Variants in NELL2 observed in about 807,000 individuals in gnomAD.
The protein encoded by NELL2 is neural EGFL like 2, also known as protein kinase C-binding protein NELL2.
A neutral mutation model predicts 109.6 loss-of-function variants in NELL2; 41 were observed. The ratio of observed to expected loss-of-function variants is 0.37; its 90% CI spans 0.29 to 0.49. The LOEUF (loss-of-function observed/expected upper bound fraction) is 0.49. Among genes scored for constraint, NELL2 ranks in the 20% least tolerant of loss-of-function variants. NELL2 has a pLI of 0.98. For missense variants in NELL2, 900 were observed against 1,008.3 expected (o/e 0.89, Z 1.45); for synonymous variants, 355 against 344.7 (o/e 1.03, Z -0.33).
intron 15 of NELL2, among the ~76,000 whole-genome samples, chr12:44,599,992 C>T (rs1317978991): frequency 3.7e-5 from 5 of 136,014 alleles, no homozygotes; most frequent in Admixed American, 8.5e-5. Flanking sequence ...GATGGAGTCT[C>T]GCTCTGCCGC....
At chr12:44,596,129 A>G (rs148197276) in intron 15 of NELL2, among the ~76,000 whole-genome samples, 82 of 152,316 alleles carry the variant, frequency 5.4e-4, no homozygotes, top group African/African-American at 1.9e-3. Flanking sequence ...GTGCATTTTG[A>G]CAGTCAGAGG....
intron 13 of NELL2, among the ~76,000 whole-genome samples, chr12:44,622,852 C>T (rs11182575): frequency 0.17 from 26,353 of 151,980 alleles, 3,571 homozygotes; most frequent in African/African-American, 0.37. Flanking sequence ...TATGTTATTT[C>T]AATATCTCCT....
intron 9 of NELL2, among the ~76,000 whole-genome samples, chr12:44,748,034 C>T (rs1291242433): frequency 6.6e-6 from 1 of 152,146 alleles, no homozygotes; most frequent in African/African-American, 2.4e-5. Flanking sequence ...ATCTGACTCT[C>T]ACTTGTATCA....
chr12:44,834,168 T>A (rs1831197742), intron 2 of NELL2, among the ~76,000 whole-genome samples: 1 of 152,164 alleles, frequency 6.6e-6, no homozygotes, highest in Admixed American at 6.5e-5. Flanking sequence ...ATCAATAATA[T>A]ATTTCCTATT....
At chr12:44,770,738 T>G (rs1325915655) in intron 9 of NELL2, among the ~76,000 whole-genome samples, 1 of 152,212 alleles carries the variant, frequency 6.6e-6, no homozygotes, top group Non-Finnish European at 1.5e-5. Flanking sequence ...ATGGTCACAT[T>G]CACATTCCCT....
At chr12:44,885,295 A>G (rs181387348) in intron 1 of NELL2, among the ~76,000 whole-genome samples, 4 of 151,942 alleles carry the variant, frequency 2.6e-5, no homozygotes, top group African/African-American at 9.7e-5. Flanking sequence ...AAAAATTAAA[A>G]ATTAAAATTA....
At chr12:44,890,398 G>A (rs917356281) in intron 1 of NELL2, among the ~76,000 whole-genome samples, 16 of 152,274 alleles carry the variant, frequency 1.1e-4, no homozygotes, top group African/African-American at 3.1e-4. Context: ...TGCAAACCAC[G>A]ACACAGACAA....
rs560652255 is a variant in NELL2 at position 44,698,149 on chromosome 12, A to G, written c.1318+5577T>C. 1.1e-4 allele frequency among the ~76,000 whole-genome samples: 16 copies of G among 152,344 alleles called. No individual in the cohort carries two copies. In the East Asian group the frequency reaches 2.5e-3, roughly 24 times the overall value. On this transcript the variant is annotated intron_variant, in intron 12 of 19. Transcript: ENST00000429094. ...CTGGAATAGGGTGTCACCCTCCTCC[A>G]GCATGATTTTATCTCATCTTAACAC...
At chr12:44,784,072 A>G (rs915920254) in intron 3 of NELL2, among the ~76,000 whole-genome samples, 1 of 152,188 alleles carries the variant, frequency 6.6e-6, no homozygotes, top group South Asian at 2.1e-4. Flanking sequence ...TTATTTTATC[A>G]TATTGACTTA....
At chr12:44,705,122 A>G (rs576069637) in intron 11 of NELL2, among the ~76,000 whole-genome samples, 2 of 152,184 alleles carry the variant, frequency 1.3e-5, no homozygotes, top group South Asian at 4.1e-4. Flanking sequence ...AATCATATAG[A>G]TGGAAGTACT....
intron 12 of NELL2, among the ~76,000 whole-genome samples, chr12:44,678,449 G>A (rs1225641216): frequency 1.3e-5 from 2 of 151,984 alleles, no homozygotes; most frequent in Non-Finnish European, 2.9e-5. Flanking sequence ...CACTTCTGGA[G>A]TCCAGTCTTG....
intron 13 of NELL2, among the ~76,000 whole-genome samples, chr12:44,654,624 C>T (rs540599626): frequency 4.2e-4 from 64 of 152,276 alleles, no homozygotes; most frequent in African/African-American, 1.5e-3. Flanking sequence ...TAAGGAAACA[C>T]TCTTCAAGCA....
chr12:44,748,505 AATT>A (rs1414457128), intron 9 of NELL2, among the ~76,000 whole-genome samples: 1 of 152,182 alleles, frequency 6.6e-6, no homozygotes, highest in East Asian at 1.9e-4. Context: ...TTACAACACT[AATT>A]ATTATTCATG....
At chr12:44,794,299 TACTC>T (rs1420438483) in intron 3 of NELL2, among the ~76,000 whole-genome samples, 15 of 152,162 alleles carry the variant, frequency 9.9e-5, no homozygotes, top group Non-Finnish European at 1.5e-5. Context: ...ACATACAAAA[TACTC>T]AGGAAAAGTA....
In NELL2 at chr12:44,714,683, G is replaced by T; in HGVS notation, c.1053C>A (p.Ser351=). 6.2e-7 allele frequency: 1 copy of T among 1,602,514 alleles called. No homozygotes were observed. Among genetic ancestry groups the T allele is most frequent in the Non-Finnish European group, 8.5e-7 (1 of 1,175,640 alleles). ...YFEGERNTVY[S]SSGVCVLYEC... ...CATAGAGAACACATACTCCAGAAGA[G>T]GAATAGACTGTATTTCTTTCTCCTT... Residue 351 remains serine (S), a synonymous_variant, in exon 10 of 20, where the codon TCC becomes TCA. Transcript: ENST00000429094.
intron 13 of NELL2, among the ~76,000 whole-genome samples, chr12:44,615,142 A>C (rs1945774532): frequency 6.6e-6 from 1 of 152,094 alleles, no homozygotes; most frequent in Non-Finnish European, 1.5e-5. Context: ...CACTGCTTAC[A>C]GGGGGTTGCA....
At chr12:44,726,989 A>G (rs1939115319) in intron 9 of NELL2, among the ~76,000 whole-genome samples, 1 of 152,106 alleles carries the variant, frequency 6.6e-6, no homozygotes, top group South Asian at 2.1e-4. Flanking sequence ...ACTGTCAATG[A>G]ATGTTTGTCA....
chr12:44,665,264 T>A (rs901257793), intron 13 of NELL2, among the ~76,000 whole-genome samples: 1 of 152,262 alleles, frequency 6.6e-6, no homozygotes, highest in South Asian at 2.1e-4. Context: ...TTTTTTAGGA[T>A]TTTTATCTTC....
intron 15 of NELL2, among the ~76,000 whole-genome samples, chr12:44,599,165 A>C (rs1406986551): frequency 6.6e-6 from 1 of 152,222 alleles, no homozygotes; most frequent in African/African-American, 2.4e-5. Flanking sequence ...TCACAGGTAA[A>C]GCTTCAATGA....
Sources: allele counts gnomAD v4.1 joint callset (sites outside exome capture counted in the v4.1 genomes callset), GRCh38; gene constraint gnomAD v4.1.1; transcripts MANE v1.5; gene names NCBI Gene and HGNC (gene_info 2026-07-23, HGNC 2026-07-21).